Variants in VSTM4 observed in about 807,000 individuals in gnomAD.
The protein encoded by VSTM4 is V-set and transmembrane domain-containing protein 4.
A neutral mutation model predicts 36.4 loss-of-function variants in VSTM4; 20 were observed. The ratio of observed to expected loss-of-function variants is 0.55; its 90% CI spans 0.39 to 0.80. The LOEUF is 0.80. Ranked by LOEUF, VSTM4 falls within the 30% of genes least tolerant of loss-of-function variation. The pLI is 0.00. For missense variants in VSTM4, 392 were observed against 404.5 expected, an observed-to-expected ratio of 0.97 and a Z score of 0.26; for synonymous variants, 182 against 173.9, an observed-to-expected ratio of 1.05 and a Z score of -0.37.
At chr10:49,043,815 T>C (rs1289786278) in intron 7 of VSTM4, among the ~76,000 whole-genome samples, 7 of 152,324 alleles carry the variant, frequency 4.6e-5, no homozygotes, top group South Asian at 2.1e-4. Flanking sequence ...ACTGCACAAG[T>C]ACTTCATTTT....
chr10:49,095,927 G>A (rs567521421), intron 2 of VSTM4, among the ~76,000 whole-genome samples: 6 of 152,310 alleles, frequency 3.9e-5, no homozygotes, highest in African/African-American at 1.4e-4. Flanking sequence ...CTTCATGCAT[G>A]TTTGTGAGAT....
chr10:49,063,806 C>G (rs1350182075), intron 5 of VSTM4, among the ~76,000 whole-genome samples: 1 of 152,208 alleles, frequency 6.6e-6, no homozygotes, highest in Non-Finnish European at 1.5e-5. Context: ...TGGCTCTTCC[C>G]TGAAGGCTTG....
In VSTM4 at chr10:49,070,252, CAAAAAAAAA is replaced by C. The variant is rs780515012; in HGVS notation, c.635-5525_635-5517del. 2.3e-4 allele frequency among the ~76,000 whole-genome samples: 5 copies of C among 21,724 alleles called. No homozygotes were observed. The East Asian group carries it at 5.2e-3, about 23-fold the overall frequency. The allele number at this position is 21,724 out of a possible 152,430, so 14.3% of individuals were successfully genotyped here. A position where few individuals can be genotyped will look rare whatever the true frequency, so the allele number is the denominator to read the frequency against. On this transcript the variant is annotated intron_variant, in intron 4 of 7. Transcript: ENST00000332853. ...TGGGCGACAGAGCGAGACTCCGTCT[CAAAAAAAAA>C]AAAAAAAAAAAAAAAAAAGAAATAT...
chr10:49,052,205 C>A (rs1843708859), intron 5 of VSTM4, among the ~76,000 whole-genome samples: 1 of 152,188 alleles, frequency 6.6e-6, no homozygotes, highest in Non-Finnish European at 1.5e-5. Context: ...TGATTTTTGA[C>A]AAGTTAGTAC....
At chr10:49,021,480 T>C (rs945412211) in intron 7 of VSTM4, among the ~76,000 whole-genome samples, 2 of 152,114 alleles carry the variant, frequency 1.3e-5, no homozygotes, top group Non-Finnish European at 2.9e-5. Flanking sequence ...TATTTATATC[T>C]CATATTAAAG....
At chr10:49,103,380 T>C (rs1844703244) in intron 2 of VSTM4, 1 of 386,500 alleles carries the variant, frequency 2.6e-6, no homozygotes, top group Non-Finnish European at 3.6e-6. Flanking sequence ...TAAATTTTAA[T>C]TTGCATAAAA....
Position 49,107,935 on chromosome 10 carries a change from C to A in VSTM4, c.116G>T (p.Gly39Val), listed in dbSNP as rs1330506995. Residue 39 changes from glycine (G) to valine (V), a missense_variant, in exon 2 of 8, where the codon GGG becomes GTG. Transcript: ENST00000332853. Reference protein sequence around the residue: ...SPGPVVDYLEGENATLLCHVS... With the variant: ...SPGPVVDYLEVENATLLCHVS... ...GTGGCAGAGGAGAGTGGCATTCTCC[C>A]CCTCCAGGTAGTCAACCACGGGCCC... 6 of 1,612,064 alleles carry A rather than the reference C, an allele frequency of 3.7e-6. No individual in the cohort carries two copies. The highest frequency in any genetic ancestry group is 5.1e-6 in the Non-Finnish European group (6 of 1,179,076).
intron 2 of VSTM4, among the ~76,000 whole-genome samples, chr10:49,106,905 T>C (rs1326021765): frequency 4.9e-4 from 75 of 152,220 alleles, no homozygotes; most frequent in Admixed American, 4.4e-3. Context: ...CTCCTGAAAG[T>C]GCCTGCCTGA....
intron 1 of VSTM4, among the ~76,000 whole-genome samples, 159 bp downstream of exon 1, chr10:49,115,272 G>C (rs1224585820): frequency 3.3e-5 from 5 of 151,718 alleles, no homozygotes; most frequent in Non-Finnish European, 7.4e-5. Context: ...CCAGACCCTC[G>C]GCGAGCCCAC....
At chr10:49,023,395 T>C (rs763822879) in intron 7 of VSTM4, among the ~76,000 whole-genome samples, 6 of 152,266 alleles carry the variant, frequency 3.9e-5, no homozygotes, top group Non-Finnish European at 8.8e-5. Flanking sequence ...TCACTGGTTT[T>C]CACCAAACTA....
At chr10:49,076,119 G>A (rs939188210) in intron 4 of VSTM4, among the ~76,000 whole-genome samples, 1 of 152,122 alleles carries the variant, frequency 6.6e-6, no homozygotes. Context: ...CCTTAGGCTT[G>A]CCCACACCCC....
intron 7 of VSTM4, among the ~76,000 whole-genome samples, chr10:49,036,017 T>C (rs1029836750): frequency 6.6e-6 from 1 of 152,158 alleles, no homozygotes; most frequent in Non-Finnish European, 1.5e-5. Context: ...TGGCACTAAC[T>C]GTGTGGCCTG....
intron 2 of VSTM4, 103 bp from the exon 3 acceptor site, chr10:49,086,126 T>C: frequency 1.4e-6 from 1 of 703,328 alleles, no homozygotes; most frequent in Non-Finnish European, 2.3e-6. Context: ...AAAACCACAT[T>C]TAGTTGTCAA....
chr10:49,114,585 G>GTTGTT (rs1554837421), intron 1 of VSTM4, among the ~76,000 whole-genome samples: 1 of 142,338 alleles, frequency 7.0e-6, no homozygotes, highest in African/African-American at 2.5e-5. Flanking sequence ...CCAAGTTCAT[G>GTTGTT]TTTTTTTTTT....
chr10:49,108,623 T>G (rs1404881581), intron 1 of VSTM4, among the ~76,000 whole-genome samples: 1 of 152,222 alleles, frequency 6.6e-6, no homozygotes, highest in African/African-American at 2.4e-5. Context: ...GTTTCCTATT[T>G]GTAGGATCCA....
chr10:49,026,030 A>G (rs1285525122), intron 7 of VSTM4, among the ~76,000 whole-genome samples: 1 of 152,246 alleles, frequency 6.6e-6, no homozygotes, highest in African/African-American at 2.4e-5. Context: ...GAAGACAGAA[A>G]AATCCTAGAG....
At chr10:49,068,053 ATTG>A (rs1414937050) in intron 4 of VSTM4, among the ~76,000 whole-genome samples, 7 of 152,066 alleles carry the variant, frequency 4.6e-5, no homozygotes, top group African/African-American at 7.3e-5. Flanking sequence ...GTATTATTGT[ATTG>A]TTATTTTTAA....
At chr10:49,084,857 A>G (rs1235968323) in intron 3 of VSTM4, among the ~76,000 whole-genome samples, 1 of 152,226 alleles carries the variant, frequency 6.6e-6, no homozygotes, top group Non-Finnish European at 1.5e-5. Context: ...GGGTTTTCCA[A>G]CCTCAGCACT....
rs1303545506 is a variant in VSTM4 at position 49,018,155 on chromosome 10, T to C, written c.*1495A>G. 6.6e-6 allele frequency: 1 copy of C among 152,190 alleles called. No homozygotes were observed. The highest frequency in any genetic ancestry group is 1.5e-5 in the Non-Finnish European group (1 of 68,034). 9.4% of individuals were successfully genotyped at this position (152,190 alleles called of 1,614,324 possible). A position where few individuals can be genotyped will look rare whatever the true frequency, so the allele number is the denominator to read the frequency against. Reference sequence around the variant, plus strand: ...TTGGGAACATTACTGTAGGGCTAAGTTGGTGGACAAATATTTGGTTTTTAA... The same window carrying C: ...TTGGGAACATTACTGTAGGGCTAAGCTGGTGGACAAATATTTGGTTTTTAA... On this transcript the variant is annotated 3_prime_UTR_variant, in exon 8 of 8. Coordinates refer to ENST00000332853, the MANE Select transcript of VSTM4 (RefSeq NM_001031746.5).
Sources: gnomAD v4.1 joint callset for allele counts (sites outside exome capture counted in the v4.1 genomes callset) on GRCh38, gnomAD v4.1.1 for gene constraint, MANE v1.5 for transcripts, NCBI Gene and HGNC (gene_info 2026-07-23, HGNC 2026-07-21) for gene names.